The following NALF1 variants were observed in gnomAD, a reference collection of about 807,000 sequenced individuals.
NALF1 encodes the protein family with sequence similarity 155 member A.
In NALF1, 3 loss-of-function variants were observed where a neutral mutation model predicts 48.4. The observed-to-expected ratio is 0.06, with a 90% CI of 0.03 to 0.16. The LOEUF (loss-of-function observed/expected upper bound fraction) is 0.16. Among genes scored for constraint, NALF1 ranks in the 10% least tolerant of loss-of-function variants. The pLI is 1.00. For synonymous variants in NALF1, 262 were observed against 245.7 expected (o/e 1.07, Z -0.62); for missense variants, 526 against 571.5 (o/e 0.92, Z 0.81).
chr13:107,249,532 G>A (rs1261786798), intron 1 of NALF1, among the ~76,000 whole-genome samples: 1 of 151,640 alleles, frequency 6.6e-6, no homozygotes, highest in South Asian at 2.1e-4. Context: ...CGTAGGTTGG[G>A]TATCTTTGTA....
At chr13:107,810,954 C>T (rs544795136) in intron 1 of NALF1, among the ~76,000 whole-genome samples, 2 of 152,250 alleles carry the variant, frequency 1.3e-5, no homozygotes, top group South Asian at 4.1e-4. Context: ...TATGTGCAAA[C>T]ATACATTATT....
chr13:107,786,702 AGCCTGG>A (rs1878084592), intron 1 of NALF1, among the ~76,000 whole-genome samples: 3 of 152,150 alleles, frequency 2.0e-5, no homozygotes, highest in South Asian at 2.1e-4. Flanking sequence ...ACTGCACTCC[AGCCTGG>A]GCAACAAGAG....
intron 1 of NALF1, among the ~76,000 whole-genome samples, chr13:107,453,376 C>T (rs1322799835): frequency 6.6e-6 from 1 of 152,208 alleles, no homozygotes; most frequent in African/African-American, 2.4e-5. Flanking sequence ...TCTGCACACC[C>T]ACAGGGCTAA....
In NALF1 at chr13:107,164,519, G is replaced by GC. The variant is rs1251328538; in HGVS notation, c.*5977dup. ...TATATATATTTTTTGATCTATGAGT[G>GC]CCTTAAACAACCACTTTGAAGTTGC... On this transcript the variant is annotated 3_prime_UTR_variant, in exon 3 of 3. Coordinates refer to ENST00000375915, the MANE Select transcript of NALF1 (RefSeq NM_001080396.3). 2 of 151,930 alleles carry GC rather than the reference G, an allele frequency of 1.3e-5. No individual in the cohort carries two copies. The highest frequency in any genetic ancestry group is 4.8e-5 in the African/African-American group (2 of 41,374). The allele number at this position is 151,930 out of a possible 1,614,324, so 9.4% of individuals were successfully genotyped here. A position where few individuals can be genotyped will look rare whatever the true frequency, so the allele number is the denominator to read the frequency against.
intron 1 of NALF1, among the ~76,000 whole-genome samples, chr13:107,845,358 C>T (rs1419303097): frequency 6.6e-6 from 1 of 152,072 alleles, no homozygotes; most frequent in Non-Finnish European, 1.5e-5. Flanking sequence ...ATCAGAATGT[C>T]CAGTGTGTGC....
chr13:107,332,190 A>G (rs772093004), intron 1 of NALF1, among the ~76,000 whole-genome samples: 20 of 152,194 alleles, frequency 1.3e-4, no homozygotes, highest in Non-Finnish European at 2.4e-4. Context: ...CCCACTTTCA[A>G]AAACATTCAT....
chr13:107,544,858 A>G (rs1483482034), intron 1 of NALF1, among the ~76,000 whole-genome samples: 1 of 152,184 alleles, frequency 6.6e-6, no homozygotes, highest in Non-Finnish European at 1.5e-5. Flanking sequence ...TTCTGTGTCA[A>G]TCACCATGTG....
intron 1 of NALF1, among the ~76,000 whole-genome samples, chr13:107,341,911 T>A (rs895217818): frequency 6.2e-5 from 8 of 129,762 alleles, no homozygotes; most frequent in African/African-American, 2.4e-4. Flanking sequence ...ACACACACAC[T>A]GATGCATATA....
intron 1 of NALF1, among the ~76,000 whole-genome samples, chr13:107,348,390 T>C (rs1049496181): frequency 6.6e-6 from 1 of 152,224 alleles, no homozygotes; most frequent in East Asian, 1.9e-4. Context: ...TGTCAAATTA[T>C]TTGGAAAATT....
chr13:107,834,959 C>T (rs911071152), intron 1 of NALF1, among the ~76,000 whole-genome samples: 9 of 152,116 alleles, frequency 5.9e-5, no homozygotes, highest in African/African-American at 2.2e-4. Flanking sequence ...ACGGGAGACA[C>T]GTCATAAATG....
intron 1 of NALF1, among the ~76,000 whole-genome samples, chr13:107,839,602 G>C (rs894621748): frequency 6.6e-6 from 1 of 151,464 alleles, no homozygotes; most frequent in Non-Finnish European, 1.5e-5. Context: ...CAAGAAACTT[G>C]CCCGATGACA....
chr13:107,277,443 AC>A (rs951733273), intron 1 of NALF1, among the ~76,000 whole-genome samples: 19 of 152,210 alleles, frequency 1.2e-4, no homozygotes, highest in Middle Eastern at 6.8e-3. Context: ...AAACTCAACT[AC>A]CCAGAAGGAA....
At chr13:107,255,651 T>C (rs1566465570) in intron 1 of NALF1, among the ~76,000 whole-genome samples, 1 of 152,232 alleles carries the variant, frequency 6.6e-6, no homozygotes, top group African/African-American at 2.4e-5. Flanking sequence ...TCTCAACATA[T>C]ACCAAGTATA....
rs538054217 is a variant in NALF1 at position 107,502,179 on chromosome 13, A to T, written c.916-291424T>A. Among the ~76,000 whole-genome samples, 38 of 152,290 alleles carry T rather than the reference A, an allele frequency of 2.5e-4. No individual in the cohort carries two copies. The South Asian group carries it at 7.7e-3, about 31-fold the overall frequency. On this transcript the variant is annotated intron_variant, in intron 1 of 2. Coordinates refer to ENST00000375915, the MANE Select transcript of NALF1 (RefSeq NM_001080396.3). ...ATTTTCATGAAAATACAAATATGAG[A>T]AAAAACACTTTGATAAGTCTTCCTA... is the stretch of plus-strand genomic sequence containing the variant.
intron 1 of NALF1, among the ~76,000 whole-genome samples, chr13:107,524,237 T>C: frequency 6.6e-6 from 1 of 152,066 alleles, no homozygotes; most frequent in Admixed American, 6.6e-5. Flanking sequence ...AGTAATATGA[T>C]TTTTCAAATG....
intron 1 of NALF1, among the ~76,000 whole-genome samples, chr13:107,279,597 C>T (rs955813751): frequency 6.6e-6 from 1 of 152,104 alleles, no homozygotes; most frequent in African/African-American, 2.4e-5. Context: ...CAGAGATATT[C>T]TTGATCCTTC....
intron 1 of NALF1, among the ~76,000 whole-genome samples, chr13:107,293,524 C>T (rs1594107752): frequency 1.3e-5 from 2 of 152,164 alleles, no homozygotes; most frequent in South Asian, 4.1e-4. Flanking sequence ...TGCCTGATCT[C>T]CAGCATAGAC....
At position 107,581,937 on chromosome 13, in the gene NALF1, T is replaced by C. The variant is rs534699332; in HGVS notation, c.915+283745A>G. ...TCGCAATTTCAGCCTATGGTGATCATTCCCACAAAAGATGCCTTTGGACAT... is the reference window on the plus strand; with the variant it reads ...TCGCAATTTCAGCCTATGGTGATCACTCCCACAAAAGATGCCTTTGGACAT... On this transcript the variant is annotated intron_variant, in intron 1 of 2. Coordinates refer to ENST00000375915, the MANE Select transcript of NALF1 (RefSeq NM_001080396.3). 1.4e-4 allele frequency among the ~76,000 whole-genome samples: 21 copies of C among 152,258 alleles called. 1 individual carries two copies. The highest frequency in any genetic ancestry group is 5.1e-4 in the African/African-American group (21 of 41,558).
chr13:107,482,487 G>A lies in NALF1; in HGVS notation c.916-271732C>T, dbSNP rs1302675203. Among the ~76,000 whole-genome samples the A allele has an allele frequency of 3.3e-5, 5 of 152,122 alleles. No homozygotes were observed. In the East Asian group the frequency reaches 9.6e-4, roughly 29 times the overall value. ...TATCGACAGCAAAGGAGAAAACTCA[G>A]ATATAGTTTGGTGAGCATTGGAATT... On this transcript the variant is annotated intron_variant, in intron 1 of 2. Coordinates refer to ENST00000375915, the MANE Select transcript of NALF1 (RefSeq NM_001080396.3).
Sources: gnomAD v4.1 joint callset for allele counts (sites outside exome capture counted in the v4.1 genomes callset) on GRCh38, gnomAD v4.1.1 for gene constraint, MANE v1.5 for transcripts, NCBI Gene and HGNC (gene_info 2026-07-23, HGNC 2026-07-21) for gene names.